The following HERPUD2 variants were observed in gnomAD, a reference collection of about 807,000 sequenced individuals.
The protein encoded by HERPUD2 is homocysteine-responsive endoplasmic reticulum-resident ubiquitin-like domain member 2 protein.
HERPUD2 carries 13 observed loss-of-function variants against 49.9 expected under a neutral mutation model. The ratio of observed to expected loss-of-function variants is 0.26; its 90% confidence interval spans 0.17 to 0.41. The LOEUF (loss-of-function observed/expected upper bound fraction) is 0.41. Ranked by LOEUF, HERPUD2 falls within the 10% of genes least tolerant of loss-of-function variation. HERPUD2 has a pLI of 1.00. For synonymous variants in HERPUD2, 172 were observed against 171.4 expected (o/e 1.00, Z -0.03); for missense variants, 449 against 492.2 (o/e 0.91, Z 0.83).
chr7:35,673,098 A>G (rs1356631533), intron 3 of HERPUD2, 103 bp downstream of exon 3: 2 of 783,588 alleles, frequency 2.6e-6, no homozygotes, highest in East Asian at 5.0e-5. Flanking sequence ...AAAGGGATTG[A>G]TTTTAAGTAT....
At chr7:35,661,222 T>A (rs1312867044) in intron 5 of HERPUD2, among the ~76,000 whole-genome samples, 1 of 152,064 alleles carries the variant, frequency 6.6e-6, no homozygotes, top group Non-Finnish European at 1.5e-5. Flanking sequence ...GGCTCTATTC[T>A]GTTCCACTAG....
At chr7:35,642,077 C>T (rs1357740870) in intron 5 of HERPUD2, among the ~76,000 whole-genome samples, 2 of 152,054 alleles carry the variant, frequency 1.3e-5, no homozygotes, top group Non-Finnish European at 2.9e-5. Context: ...AGACAAAGGT[C>T]TAATATCTAG....
At chr7:35,653,140 TGAAA>T (rs1785201392) in intron 5 of HERPUD2, among the ~76,000 whole-genome samples, 1 of 152,122 alleles carries the variant, frequency 6.6e-6, no homozygotes, top group Non-Finnish European at 1.5e-5. Flanking sequence ...ACAGAGGGGC[TGAAA>T]GAATTTTTTT....
At chr7:35,675,353 C>A (rs545616969) in intron 2 of HERPUD2, among the ~76,000 whole-genome samples, 2 of 152,204 alleles carry the variant, frequency 1.3e-5, no homozygotes, top group South Asian at 4.1e-4. Context: ...AACTATATGA[C>A]CATAAGTTGA....
At chr7:35,656,704 A>C (rs1206599532) in intron 5 of HERPUD2, among the ~76,000 whole-genome samples, 1 of 152,148 alleles carries the variant, frequency 6.6e-6, no homozygotes, top group Non-Finnish European at 1.5e-5. Flanking sequence ...TTTTTTCTGA[A>C]TGTTTCTCAA....
At position 35,633,629 on chromosome 7, in the gene HERPUD2, C is replaced by G; in HGVS notation, c.*61G>C. ...AGTTATAAATTTTTTTGAAATTGCACTGTTATTTAAACCACTTTCCTGAAG... is the reference window on the plus strand; with the variant it reads ...AGTTATAAATTTTTTTGAAATTGCAGTGTTATTTAAACCACTTTCCTGAAG... On this transcript the variant is annotated 3_prime_UTR_variant, in exon 9 of 9. Coordinates refer to ENST00000311350, the MANE Select transcript of HERPUD2 (RefSeq NM_022373.5). 1 of 1,481,664 alleles carries G rather than the reference C, an allele frequency of 6.7e-7. No homozygotes were observed. The highest frequency in any genetic ancestry group is 2.3e-5 in the East Asian group (1 of 43,688). 91.8% of individuals were successfully genotyped at this position (1,481,664 alleles called of 1,614,324 possible).
intron 5 of HERPUD2, among the ~76,000 whole-genome samples, chr7:35,656,196 T>C (rs564728032): frequency 6.6e-6 from 1 of 151,604 alleles, no homozygotes; most frequent in Non-Finnish European, 1.5e-5. Context: ...AATAAATAAA[T>C]ACATCAAGAA....
At chr7:35,647,014 T>TTA (rs1214211881) in intron 5 of HERPUD2, among the ~76,000 whole-genome samples, 1 of 152,006 alleles carries the variant, frequency 6.6e-6, no homozygotes, top group Non-Finnish European at 1.5e-5. Context: ...TCATTCACAA[T>TTA]TATATACTTG....
chr7:35,634,485 C>T, intron 7 of HERPUD2, 56 bp from the exon 8 acceptor site: 1 of 1,086,270 alleles, frequency 9.2e-7, no homozygotes, highest in Non-Finnish European at 1.4e-6. Flanking sequence ...TTATTTGTAA[C>T]ACTATAAAAT....
At position 35,667,482 on chromosome 7, in the gene HERPUD2, G is replaced by A. The variant is rs185894718; in HGVS notation, c.446C>T (p.Ala149Val). Residue 149 changes from alanine to valine, a missense_variant, in exon 5 of 9, where the codon GCA (alanine) becomes GTA (valine). Coordinates refer to ENST00000311350, the MANE Select transcript of HERPUD2 (RefSeq NM_022373.5). Reference sequence around the variant, plus strand: ...GTGACTCTGTGCTTGGTCAGTTTGTGCTTGTGGAAGGGTACGCTGCCTCAA... The same window carrying A: ...GTGACTCTGTGCTTGGTCAGTTTGTACTTGTGGAAGGGTACGCTGCCTCAA... ...EGLRQRTLPQ[A>V]QTDQAQSHQF... 3 of 1,613,964 alleles carry A rather than the reference G, an allele frequency of 1.9e-6. No homozygotes were observed. The highest frequency in any genetic ancestry group is 3.3e-5 in the Admixed American group (2 of 60,012).
intron 5 of HERPUD2, among the ~76,000 whole-genome samples, chr7:35,651,825 G>C (rs1485805609): frequency 6.6e-6 from 1 of 151,602 alleles, no homozygotes; most frequent in Non-Finnish European, 1.5e-5. Flanking sequence ...AAAAAAATCT[G>C]AAAAACAATT....
chr7:35,694,004 G>A (rs1230243449), intron 2 of HERPUD2, among the ~76,000 whole-genome samples, 180 bp downstream of exon 2: 1 of 152,042 alleles, frequency 6.6e-6, no homozygotes, highest in Non-Finnish European at 1.5e-5. Flanking sequence ...ACCTCATCAG[G>A]AAAATATTAA....
chr7:35,656,019 G>A (rs905410970), intron 5 of HERPUD2, among the ~76,000 whole-genome samples: 22 of 152,060 alleles, frequency 1.4e-4, no homozygotes, highest in Admixed American at 9.8e-4. Context: ...AAAATTAGCC[G>A]GGCATCATGG....
chr7:35,645,342 G>A (rs1785033138), intron 5 of HERPUD2, among the ~76,000 whole-genome samples: 1 of 152,118 alleles, frequency 6.6e-6, no homozygotes, highest in South Asian at 2.1e-4. Flanking sequence ...AGATACTCGG[G>A]AGGCTGAGGC....
At chr7:35,661,439 C>A (rs1354243510) in intron 5 of HERPUD2, among the ~76,000 whole-genome samples, 1 of 152,148 alleles carries the variant, frequency 6.6e-6, no homozygotes, top group Non-Finnish European at 1.5e-5. Flanking sequence ...ATGGGGATGG[C>A]ATTGAATCTA....
rs1469940441 is a variant in HERPUD2 at position 35,694,297 on chromosome 7, G to A, written c.34C>T (p.Leu12Phe). ...DQSGMEIPVTLIIKAPNQKYS... is the reference protein window; with the variant it reads ...DQSGMEIPVTFIIKAPNQKYS... ...TTCTGATTCGGTGCTTTAATGATGA[G>A]GGTCACAGGAATCTCCATCCCACTT... The change falls in exon 2 of 9, where the codon CTC becomes TTC. Residue 12 changes from leucine to phenylalanine, a missense_variant. Leu to Phe is a conservative substitution (Grantham distance 22, BLOSUM62 0). Transcript: ENST00000311350. 6.2e-7 allele frequency: 1 copy of A among 1,614,140 alleles called. No individual in the cohort carries two copies. The highest frequency in any genetic ancestry group is 1.3e-5 in the African/African-American group (1 of 75,038).
intron 5 of HERPUD2, among the ~76,000 whole-genome samples, chr7:35,659,644 C>G (rs1229904778): frequency 1.3e-5 from 2 of 152,144 alleles, no homozygotes; most frequent in East Asian, 3.8e-4. Context: ...TCACAAAATT[C>G]AAACCCAGAT....
intron 5 of HERPUD2, among the ~76,000 whole-genome samples, chr7:35,662,344 T>C (rs550240065): frequency 7.9e-5 from 12 of 152,338 alleles, no homozygotes; most frequent in Middle Eastern, 3.4e-3. Flanking sequence ...TCTTTTTTTG[T>C]TGTGTCTCTG....
chr7:35,683,364 T>G (rs1785957264), intron 2 of HERPUD2, among the ~76,000 whole-genome samples: 1 of 152,154 alleles, frequency 6.6e-6, no homozygotes, highest in African/African-American at 2.4e-5. Flanking sequence ...AATTGGCTAG[T>G]CACATGTAGA....
Sources: gnomAD v4.1 joint callset for allele counts (sites outside exome capture counted in the v4.1 genomes callset) on GRCh38, gnomAD v4.1.1 for gene constraint, MANE v1.5 for transcripts, NCBI Gene and HGNC (gene_info 2026-07-23, HGNC 2026-07-21) for gene names.